Variants in SEC14L4 observed in about 807,000 individuals in gnomAD.
The protein encoded by SEC14L4 is SEC14 like lipid binding 4, also known as SEC14-like protein 4.
In SEC14L4, 42 loss-of-function variants were observed where a neutral mutation model predicts 55.1. The ratio of observed to expected loss-of-function variants is 0.76; its 90% confidence interval spans 0.60 to 0.99. SEC14L4 has a LOEUF of 0.99. Ranked by LOEUF, SEC14L4 falls within the 50% of genes least tolerant of loss-of-function variation. The pLI is 0.00. For missense variants in SEC14L4, 445 were observed against 512.1 expected (o/e 0.87, Z 1.27); for synonymous variants, 206 against 206.8 (o/e 1.00, Z 0.03).
chr22:30,490,817 A>T (rs1228518906), intron 11 of SEC14L4, among the ~76,000 whole-genome samples: 1 of 152,100 alleles, frequency 6.6e-6, no homozygotes, highest in Non-Finnish European at 1.5e-5. Flanking sequence ...AGGTACTGGG[A>T]TTCCTTTATC....
chr22:30,491,385 C>A, intron 11 of SEC14L4, 188 bp downstream of exon 11: 1 of 659,658 alleles, frequency 1.5e-6, no homozygotes. Flanking sequence ...TGAATACCAG[C>A]TCTTCCCCCA....
chr22:30,501,860 TATATATATATATATAC>T (rs928595454), intron 2 of SEC14L4, among the ~76,000 whole-genome samples: 4 of 142,558 alleles, frequency 2.8e-5, no homozygotes, highest in Admixed American at 7.1e-5. Flanking sequence ...TATATATATA[TATATATATATATATAC>T]ATACACATAC....
At chr22:30,492,611 C>A in intron 7 of SEC14L4, 54 bp from the exon 8 acceptor site, 1 of 1,383,192 alleles carries the variant, frequency 7.2e-7, no homozygotes, top group South Asian at 1.2e-5. Context: ...CGTGGGGATA[C>A]AGAGCCACAG....
chr22:30,501,868 T>C (rs552136292), intron 2 of SEC14L4, among the ~76,000 whole-genome samples: 5 of 142,102 alleles, frequency 3.5e-5, no homozygotes, highest in South Asian at 2.2e-4. Flanking sequence ...TATATATATA[T>C]ATATATACAT....
chr22:30,505,047 G>A (rs976316523), intron 1 of SEC14L4, among the ~76,000 whole-genome samples: 2 of 150,818 alleles, frequency 1.3e-5, no homozygotes, highest in African/African-American at 2.4e-5. Context: ...CAGGAGAATC[G>A]CTTGAACTCA....
chr22:30,505,212 G>T (rs938614116), intron 1 of SEC14L4, among the ~76,000 whole-genome samples: 15 of 151,588 alleles, frequency 9.9e-5, no homozygotes, highest in African/African-American at 1.7e-4. Flanking sequence ...AACAAATGTT[G>T]CAACCTGGAC....
chr22:30,489,617 C>T lies in SEC14L4; in HGVS notation c.*490G>A, dbSNP rs775960131. On this transcript the variant is annotated 3_prime_UTR_variant, in exon 12 of 12. Coordinates refer to ENST00000255858, the MANE Select transcript of SEC14L4 (RefSeq NM_174977.4). ...TGCTCTGCTGGAACCAGGACCCTCA[C>T]CCAGCTGCCTCCAGCTGGGCCTGCC... 6 of 585,672 alleles carry T rather than the reference C, an allele frequency of 1.0e-5. No homozygotes were observed. Among genetic ancestry groups the T allele is most frequent in the Non-Finnish European group, 1.8e-5 (6 of 329,068 alleles). 36.3% of individuals were successfully genotyped at this position (585,672 alleles called of 1,614,324 possible).
At chr22:30,505,525 T>C in intron 1 of SEC14L4, 33 bp downstream of exon 1, 2 of 1,551,156 alleles carry the variant, frequency 1.3e-6, no homozygotes, top group Non-Finnish European at 1.7e-6. Context: ...TCAGGGCCCC[T>C]CCTCAAGCCT....
intron 2 of SEC14L4, among the ~76,000 whole-genome samples, chr22:30,497,101 G>T (rs926865744): frequency 6.6e-6 from 1 of 152,182 alleles, no homozygotes; most frequent in African/African-American, 2.4e-5. Context: ...CACTTTGGGA[G>T]ACCAAGGCGG....
At chr22:30,493,083 CA>C (rs10593638) in intron 7 of SEC14L4, among the ~76,000 whole-genome samples, 868 of 80,394 alleles carry the variant, frequency 0.011, 9 homozygotes, top group African/African-American at 0.031. Flanking sequence ...GATTCCATCT[CA>C]AAAAAAAAAA....
Position 30,493,083 on chromosome 22 carries a change from C to CA in SEC14L4, c.581-527dup, listed in dbSNP as rs10593638. 7.2e-3 allele frequency among the ~76,000 whole-genome samples: 575 copies of CA among 79,792 alleles called. 8 individuals carry two copies. The highest frequency in any genetic ancestry group is 0.013 in the African/African-American group (296 of 23,396). The allele number at this position is 79,792 out of a possible 152,430, so 52.3% of individuals were successfully genotyped here. A position where few individuals can be genotyped will look rare whatever the true frequency, so the allele number is the denominator to read the frequency against. On this transcript the variant is annotated intron_variant, in intron 7 of 11. Transcript: ENST00000255858. ...TGGGTGAGAGAGTGAGATTCCATCT[C>CA]AAAAAAAAAAAAAAAAAAGAAAAGA...
In SEC14L4 at chr22:30,491,895, C is replaced by T. The variant is rs371858918; in HGVS notation, c.850G>A (p.Val284Met). ...ACCTGCAGGGAGGAGCCGCGGCCCA[C>T]GGACCTCGTGTGCTCATACTGCAGC... Reference protein sequence around the residue: ...VRLQYEHTRSVGRGSSLQVEN... With the variant: ...VRLQYEHTRSMGRGSSLQVEN... Residue 284 changes from valine (V) to methionine (M), a missense_variant, in exon 10 of 12, where the codon GTG becomes ATG. By Grantham distance (21) the Val-to-Met change is conservative. Coordinates refer to ENST00000255858, the MANE Select transcript of SEC14L4 (RefSeq NM_174977.4). 71 of 1,613,394 alleles carry T rather than the reference C, an allele frequency of 4.4e-5. No individual in the cohort carries two copies. Among genetic ancestry groups the T allele is most frequent in the East Asian group, 1.1e-4 (5 of 44,884 alleles).
At chr22:30,502,843 A>G (rs12170796) in intron 2 of SEC14L4, among the ~76,000 whole-genome samples, 1,960 of 145,312 alleles carry the variant, frequency 0.013, 33 homozygotes, top group African/African-American at 0.046. Context: ...GAGCCATCGC[A>G]TCTGGCTTGT....
At chr22:30,492,351 G>A in intron 8 of SEC14L4, 123 bp downstream of exon 8, 1 of 1,142,156 alleles carries the variant, frequency 8.8e-7, no homozygotes, top group South Asian at 1.3e-5. Flanking sequence ...GCGTGTGGAG[G>A]CTCACCAGGG....
rs908738736 is a variant in SEC14L4 at position 30,489,882 on chromosome 22, G to C, written c.*225C>G. On this transcript the variant is annotated 3_prime_UTR_variant, in exon 12 of 12. Transcript: ENST00000255858. ...TTCTCATTCTCAGCCGCATTCTCTG[G>C]GAACAGGGAAAGAGGTTCCTGTCTG... 3 of 1,551,780 alleles carry C rather than the reference G, an allele frequency of 1.9e-6. No individual in the cohort carries two copies. Among genetic ancestry groups the C allele is most frequent in the East Asian group, 2.4e-5 (1 of 40,920 alleles).
In SEC14L4 at chr22:30,491,849, G is replaced by A. The variant is rs754072544; in HGVS notation, c.896C>T (p.Pro299Leu). Reference protein sequence around the residue: ...SLQVENEILFPGCVLRWQFAS... With the variant: ...SLQVENEILFLGCVLRWQFAS... Reference sequence around the variant, plus strand: ...CCATCCCTACCTGAGCACACAGCCCGGGAACAGGATCTCGTTCTCCACCTG... The same window carrying A: ...CCATCCCTACCTGAGCACACAGCCCAGGAACAGGATCTCGTTCTCCACCTG... The change falls in exon 10 of 12, where the codon CCG becomes CTG. Residue 299 changes from proline (P) to leucine (L), a missense_variant. Coordinates refer to ENST00000255858, the MANE Select transcript of SEC14L4 (RefSeq NM_174977.4). 101 of 1,611,818 alleles carry A rather than the reference G, an allele frequency of 6.3e-5. No homozygotes were observed. The Admixed American group carries it at 8.7e-4, about 14-fold the overall frequency.
chr22:30,494,978 C>A lies in SEC14L4; in HGVS notation c.424-17G>T, dbSNP rs1371156834. 5 of 1,607,872 alleles carry A rather than the reference C, an allele frequency of 3.1e-6. No individual in the cohort carries two copies. In the African/African-American group the frequency reaches 4.0e-5, roughly 13 times the overall value. ...CCTGCCCAGCTGCTTGGGACAGAGT[C>A]ATATAGGTCAGACGACAGCTCCAGC... On this transcript the variant is annotated splice_polypyrimidine_tract_variant and intron_variant, in intron 5 of 11. Transcript: ENST00000255858.
chr22:30,498,512 T>C (rs889507197), intron 2 of SEC14L4, among the ~76,000 whole-genome samples: 1 of 152,176 alleles, frequency 6.6e-6, no homozygotes. Flanking sequence ...CTGCAAATAT[T>C]TTAACTCTTT....
At chr22:30,504,705 A>G (rs902702765) in intron 1 of SEC14L4, among the ~76,000 whole-genome samples, 1 of 152,230 alleles carries the variant, frequency 6.6e-6, no homozygotes, top group Admixed American at 6.5e-5. Context: ...GAAGCCAGGA[A>G]TGCCTTATCA....
Sources: gnomAD v4.1 joint callset for allele counts (sites outside exome capture counted in the v4.1 genomes callset) on GRCh38, gnomAD v4.1.1 for gene constraint, MANE v1.5 for transcripts, NCBI Gene and HGNC (gene_info 2026-07-23, HGNC 2026-07-21) for gene names.